The following AHCYL2 variants were observed in gnomAD, a reference collection of about 807,000 sequenced individuals.
AHCYL2 encodes the protein adenosylhomocysteinase like 2, also known as S-adenosylhomocysteine hydrolase-like protein 2.
Under a neutral mutation model 81.4 loss-of-function variants are expected in AHCYL2, and 28 were observed. The ratio of observed to expected loss-of-function variants is 0.34; its 90% CI spans 0.25 to 0.47. AHCYL2 has a LOEUF of 0.47. AHCYL2 is among the 20% of genes least tolerant of loss of function. The pLI, the probability that AHCYL2 is intolerant of heterozygous loss-of-function variation, is 1.00. For missense variants in AHCYL2, 551 were observed against 785.1 expected, an observed-to-expected ratio of 0.70 and a Z score of 3.56; for synonymous variants, 272 against 290.2, an observed-to-expected ratio of 0.94 and a Z score of 0.64.
At chr7:129,361,362 C>A (rs1172154901) in intron 1 of AHCYL2, among the ~76,000 whole-genome samples, 3 of 152,164 alleles carry the variant, frequency 2.0e-5, no homozygotes, top group African/African-American at 4.8e-5. Flanking sequence ...ATAATTGGTG[C>A]CCTTGCCATA....
At chr7:129,330,891 G>C (rs1211288679) in intron 1 of AHCYL2, among the ~76,000 whole-genome samples, 1 of 152,200 alleles carries the variant, frequency 6.6e-6, no homozygotes, top group Non-Finnish European at 1.5e-5. Context: ...CTGGAAGGGT[G>C]AACTTCAAAT....
chr7:129,305,376 C>T (rs1336886909), intron 1 of AHCYL2, among the ~76,000 whole-genome samples: 3 of 152,120 alleles, frequency 2.0e-5, no homozygotes, highest in African/African-American at 7.2e-5. Context: ...AGCAGAATCG[C>T]TTGAATCCGG....
intron 6 of AHCYL2, among the ~76,000 whole-genome samples, chr7:129,401,929 TCTC>T (rs779565663): frequency 1.8e-4 from 27 of 152,146 alleles, no homozygotes; most frequent in Non-Finnish European, 3.1e-4. Context: ...ATTTAGTACT[TCTC>T]CTTGCTTCCC....
At chr7:129,262,519 C>T (rs575301998) in intron 1 of AHCYL2, among the ~76,000 whole-genome samples, 2 of 152,290 alleles carry the variant, frequency 1.3e-5, no homozygotes, top group Admixed American at 1.3e-4. Flanking sequence ...AGAACCACTC[C>T]GTGGTTGGTG....
chr7:129,231,683 A>G (rs997818022), intron 1 of AHCYL2, among the ~76,000 whole-genome samples: 3 of 152,240 alleles, frequency 2.0e-5, no homozygotes, highest in Admixed American at 1.3e-4. Context: ...AAACTTGATC[A>G]GATTTCTATG....
chr7:129,348,421 C>T (rs1793439539), intron 1 of AHCYL2, among the ~76,000 whole-genome samples: 1 of 149,052 alleles, frequency 6.7e-6, no homozygotes, highest in South Asian at 2.3e-4. Context: ...CACATACATG[C>T]TTTTATGAAA....
In AHCYL2 at chr7:129,429,979, C is replaced by T. The variant is rs1797515827; in HGVS notation, c.*2934C>T. The stretch of plus-strand genomic sequence containing the variant: ...AATTACGGAAGGAAAATAGGCAACA[C>T]CAGCAAATTATATGTGGACAGGTTC... On this transcript the variant is annotated 3_prime_UTR_variant, in exon 17 of 17. Transcript: ENST00000325006. The T allele has an allele frequency of 6.6e-6, 1 of 151,484 alleles. No homozygotes were observed. The highest frequency in any genetic ancestry group is 2.4e-5 in the African/African-American group (1 of 41,118). The allele number at this position is 151,484 out of a possible 1,614,324, so 9.4% of individuals were successfully genotyped here.
intron 1 of AHCYL2, among the ~76,000 whole-genome samples, chr7:129,314,298 A>T (rs551145382): frequency 6.6e-6 from 1 of 152,156 alleles, no homozygotes; most frequent in East Asian, 1.9e-4. Flanking sequence ...TTCTTTATTC[A>T]TTTCTAATTA....
chr7:129,245,499 G>GT lies in AHCYL2; in HGVS notation c.363+20061dup, dbSNP rs534707228. On this transcript the variant is annotated intron_variant, in intron 1 of 16. Coordinates refer to ENST00000325006, the MANE Select transcript of AHCYL2 (RefSeq NM_015328.4). ...ACCAAAACTCCATACCCATTAAACA[G>GT]TAACTCTCCATTCCTTCCTCCCCCA... Among the ~76,000 whole-genome samples the GT allele has an allele frequency of 3.6e-4, 55 of 152,136 alleles. 1 individual carries two copies. The highest frequency in any genetic ancestry group is 1.2e-3 in the African/African-American group (50 of 41,506).
chr7:129,327,840 C>T (rs1163898461), intron 1 of AHCYL2, among the ~76,000 whole-genome samples: 1 of 152,102 alleles, frequency 6.6e-6, no homozygotes, highest in East Asian at 1.9e-4. Context: ...GTCACCCAGG[C>T]TGTAGTGCAG....
intron 1 of AHCYL2, among the ~76,000 whole-genome samples, chr7:129,356,034 A>C (rs1210510030): frequency 6.6e-6 from 1 of 152,218 alleles, no homozygotes; most frequent in East Asian, 1.9e-4. Context: ...TGTTATGTTG[A>C]AAATGGCTAC....
At chr7:129,363,343 T>C (rs1289407490) in intron 1 of AHCYL2, among the ~76,000 whole-genome samples, 4 of 152,200 alleles carry the variant, frequency 2.6e-5, no homozygotes, top group African/African-American at 9.7e-5. Flanking sequence ...CCTTATGCCT[T>C]ACACAGTCTT....
chr7:129,358,357 A>C (rs917309350), intron 1 of AHCYL2, among the ~76,000 whole-genome samples: 41 of 151,968 alleles, frequency 2.7e-4, no homozygotes, highest in Admixed American at 1.4e-3. Flanking sequence ...GCGCCACTGC[A>C]CTCCAGCCTG....
chr7:129,253,374 C>T (rs571423002), intron 1 of AHCYL2, among the ~76,000 whole-genome samples: 2 of 152,244 alleles, frequency 1.3e-5, no homozygotes, highest in African/African-American at 4.8e-5. Context: ...AGAGCACTTA[C>T]AAATATGAAT....
At chr7:129,317,235 A>T (rs1206402024) in intron 1 of AHCYL2, among the ~76,000 whole-genome samples, 1 of 152,156 alleles carries the variant, frequency 6.6e-6, no homozygotes, top group Non-Finnish European at 1.5e-5. Context: ...AGAAGCCATC[A>T]TGTGATTTTA....
chr7:129,343,966 TAAATG>T (rs1321253672), intron 1 of AHCYL2, among the ~76,000 whole-genome samples: 1 of 152,178 alleles, frequency 6.6e-6, no homozygotes, highest in African/African-American at 2.4e-5. Context: ...TCTAGTTTCT[TAAATG>T]GAGGAATGAT....
intron 1 of AHCYL2, among the ~76,000 whole-genome samples, chr7:129,345,469 G>A (rs538869062): frequency 7.9e-5 from 12 of 152,232 alleles, no homozygotes; most frequent in African/African-American, 2.6e-4. Context: ...GTCACACATG[G>A]TTTTTCTCTT....
intron 10 of AHCYL2, among the ~76,000 whole-genome samples, chr7:129,407,631 C>G (rs1472065228): frequency 1.3e-5 from 2 of 152,136 alleles, no homozygotes; most frequent in East Asian, 3.8e-4. Context: ...CTGAACAGTT[C>G]AGATTATCCT....
intron 4 of AHCYL2, 29 bp from the exon 5 acceptor site, chr7:129,397,193 G>C: frequency 6.3e-7 from 1 of 1,594,248 alleles, no homozygotes; most frequent in Non-Finnish European, 8.6e-7. Flanking sequence ...GCCCAGGCTT[G>C]CTCATACCCT....
Sources: allele counts gnomAD v4.1 joint callset (sites outside exome capture counted in the v4.1 genomes callset), GRCh38; gene constraint gnomAD v4.1.1; transcripts MANE v1.5; gene names NCBI Gene and HGNC (gene_info 2026-07-23, HGNC 2026-07-21).